ZFHX3: variants seen among roughly 807,000 people sequenced by gnomAD.
ZFHX3 encodes zinc finger homeobox protein 3.
Under a neutral mutation model 279.1 loss-of-function variants are expected in ZFHX3, and 42 were observed. That is an observed-to-expected ratio of 0.15 (90% CI 0.12 to 0.19). The LOEUF (loss-of-function observed/expected upper bound fraction) is 0.19, where lower values mean the gene tolerates loss of function less well. Among genes scored for constraint, ZFHX3 ranks in the 10% least tolerant of loss-of-function variants. The pLI, the probability that ZFHX3 is intolerant of heterozygous loss-of-function variation, is 1.00. For synonymous variants in ZFHX3, 2,293 were observed against 1,957.8 expected (o/e 1.17, Z -4.52); for missense variants, 4,981 against 4,754.0 (o/e 1.05, Z -1.40).
chr16:72,865,092 T>C (rs2037982634), intron 4 of ZFHX3, among the ~76,000 whole-genome samples: 1 of 152,208 alleles, frequency 6.6e-6, no homozygotes, highest in South Asian at 2.1e-4. Flanking sequence ...ACCACCCTAA[T>C]GAATTATTTT....
chr16:73,307,463 T>C (rs1469571944), intron 4 of ZFHX3, among the ~76,000 whole-genome samples: 3 of 152,232 alleles, frequency 2.0e-5, no homozygotes, highest in African/African-American at 7.2e-5. Flanking sequence ...CTCTTGTTTC[T>C]CTGAAACGGG....
intron 1 of ZFHX3, among the ~76,000 whole-genome samples, chr16:73,057,024 G>C (rs1050807989): frequency 6.6e-6 from 1 of 152,118 alleles, no homozygotes; most frequent in African/African-American, 2.4e-5. Flanking sequence ...ATTCTTCAAA[G>C]GTACTTAACA....
At chr16:73,441,505 C>T (rs2143537704) in intron 3 of ZFHX3, among the ~76,000 whole-genome samples, 1 of 152,278 alleles carries the variant, frequency 6.6e-6, no homozygotes, top group Non-Finnish European at 1.5e-5. Flanking sequence ...TGTAACCAAA[C>T]AGCAAGCACA....
intron 2 of ZFHX3, among the ~76,000 whole-genome samples, chr16:73,637,230 C>CTTTTTTTT (rs1215790905): frequency 8.2e-6 from 1 of 121,696 alleles, no homozygotes; most frequent in Non-Finnish European, 1.8e-5. Context: ...TTTTTTTGTT[C>CTTTTTTTT]TTTTTTTTTT....
chr16:73,709,934 C>A (rs2053342402), intron 1 of ZFHX3, among the ~76,000 whole-genome samples: 1 of 152,188 alleles, frequency 6.6e-6, no homozygotes, highest in African/African-American at 2.4e-5. Context: ...GTAATCCCAG[C>A]ACTTTGGGAG....
chr16:73,388,573 G>A (rs2016947533), intron 3 of ZFHX3, among the ~76,000 whole-genome samples: 1 of 152,160 alleles, frequency 6.6e-6, no homozygotes, highest in Non-Finnish European at 1.5e-5. Flanking sequence ...CTCCATGGAG[G>A]GCTATCCCTA....
At chr16:73,458,940 C>G (rs981702933) in intron 2 of ZFHX3, among the ~76,000 whole-genome samples, 1 of 152,050 alleles carries the variant, frequency 6.6e-6, no homozygotes, top group African/African-American at 2.4e-5. Context: ...AACGACTTAC[C>G]CAAGAAGCTC....
intron 5 of ZFHX3, among the ~76,000 whole-genome samples, chr16:73,164,734 A>G (rs1238802607): frequency 6.6e-6 from 1 of 151,722 alleles, no homozygotes; most frequent in Non-Finnish European, 1.5e-5. Context: ...TGGAACCCAC[A>G]CCATCTATTT....
intron 1 of ZFHX3, among the ~76,000 whole-genome samples, chr16:73,696,070 TA>T (rs971339453): frequency 6.6e-6 from 1 of 152,130 alleles, no homozygotes; most frequent in African/African-American, 2.4e-5. Flanking sequence ...AGAGATGAAA[TA>T]TTACATGGCC....
intron 1 of ZFHX3, among the ~76,000 whole-genome samples, chr16:73,692,973 C>A (rs928120474): frequency 1.3e-5 from 2 of 152,124 alleles, no homozygotes; most frequent in South Asian, 4.2e-4. Flanking sequence ...GAAATTAGAC[C>A]CATTGAAGAA....
intron 1 of ZFHX3, among the ~76,000 whole-genome samples, chr16:73,775,247 T>A (rs901593964): frequency 4.6e-5 from 7 of 152,194 alleles, no homozygotes; most frequent in African/African-American, 1.7e-4. Flanking sequence ...AAGGTATGAC[T>A]GAGAGGTCTC....
chr16:72,926,510 A>T (rs1959454741), intron 3 of ZFHX3, among the ~76,000 whole-genome samples: 1 of 152,198 alleles, frequency 6.6e-6, no homozygotes, highest in Non-Finnish European at 1.5e-5. Context: ...TCCTTTCTCA[A>T]ATGAGCTGGA....
intron 3 of ZFHX3, among the ~76,000 whole-genome samples, chr16:72,928,159 GGA>G (rs1567588524): frequency 3.0e-5 from 1 of 33,434 alleles, no homozygotes; most frequent in Admixed American, 2.3e-4. Flanking sequence ...GAGGGGGAGG[GGA>G]GAGAGGGAGG....
chr16:73,402,569 A>C (rs2017278165), intron 3 of ZFHX3: 1 of 152,240 alleles, frequency 6.6e-6, no homozygotes, highest in African/African-American at 2.4e-5. Flanking sequence ...CAGACCAGGA[A>C]CGACCTGTGG....
At chr16:72,911,027 C>T (rs1174432668) in intron 3 of ZFHX3, among the ~76,000 whole-genome samples, 1 of 152,146 alleles carries the variant, frequency 6.6e-6, no homozygotes, top group Non-Finnish European at 1.5e-5. Context: ...TACCATTCCT[C>T]GGCTGGGGTT....
chr16:73,019,539 G>A (rs970314544), intron 1 of ZFHX3, among the ~76,000 whole-genome samples: 7 of 152,090 alleles, frequency 4.6e-5, no homozygotes, highest in Admixed American at 2.0e-4. Flanking sequence ...CTGCAGCATC[G>A]AGGGAACAGC....
At chr16:73,875,774 C>CAGAT (rs2142406165) in intron 1 of ZFHX3, among the ~76,000 whole-genome samples, 1 of 152,252 alleles carries the variant, frequency 6.6e-6, no homozygotes, top group East Asian at 1.9e-4. Context: ...ATCTGATAGC[C>CAGAT]AGATACATAT....
chr16:73,687,035 T>TATATATTTGCAGCTAA (rs1401232183), intron 1 of ZFHX3, among the ~76,000 whole-genome samples: 3 of 69,014 alleles, frequency 4.3e-5, no homozygotes, highest in East Asian at 4.0e-4. Flanking sequence ...TATATATATA[T>TATATATTTGCAGCTAA]ATATATATAT....
chr16:73,142,575 G>C (rs1423214125), intron 6 of ZFHX3, among the ~76,000 whole-genome samples: 1 of 152,206 alleles, frequency 6.6e-6, no homozygotes, highest in East Asian at 1.9e-4. Context: ...ATAAAGCAGT[G>C]AGGCTAAGAG....
Sources: gnomAD v4.1 joint callset for allele counts (sites outside exome capture counted in the v4.1 genomes callset) on GRCh38, gnomAD v4.1.1 for gene constraint, MANE v1.5 for transcripts, NCBI Gene and HGNC (gene_info 2026-07-23, HGNC 2026-07-21) for gene names.